NMBR: variants seen among roughly 807,000 people sequenced by gnomAD.
NMBR encodes neuromedin-B receptor.
In NMBR, 16 loss-of-function variants were observed where a neutral mutation model predicts 20.5. That is an observed-to-expected ratio of 0.78 (90% CI 0.53 to 1.19). The LOEUF is 1.19. NMBR is among the 50% of genes most tolerant of loss of function. NMBR has a pLI of 0.00. For missense variants in NMBR, 582 were observed against 499.1 expected, an observed-to-expected ratio of 1.17 and a Z score of -1.58; for synonymous variants, 212 against 196.6, an observed-to-expected ratio of 1.08 and a Z score of -0.65.
intron 1 of NMBR, among the ~76,000 whole-genome samples, chr6:142,144,624 A>G (rs760268648): frequency 1.1e-4 from 17 of 152,188 alleles, no homozygotes; most frequent in Non-Finnish European, 2.2e-4. Context: ...GTAAAATATC[A>G]TAGTAAAACA....
At chr6:142,120,296 C>A (rs922903076) in intron 1 of NMBR, among the ~76,000 whole-genome samples, 1 of 151,894 alleles carries the variant, frequency 6.6e-6, no homozygotes, top group East Asian at 1.9e-4. Flanking sequence ...ATTGAGTGAG[C>A]CCTGAATGCA....
chr6:142,132,577 A>T (rs1392963570), intron 1 of NMBR, among the ~76,000 whole-genome samples: 1 of 152,204 alleles, frequency 6.6e-6, no homozygotes, highest in African/African-American at 2.4e-5. Context: ...TCAATAATGC[A>T]ATAACTATTA....
At chr6:142,094,820 TA>T (rs1407929042) in intron 1 of NMBR, among the ~76,000 whole-genome samples, 1 of 152,192 alleles carries the variant, frequency 6.6e-6, no homozygotes, top group Non-Finnish European at 1.5e-5. Context: ...TATCCTCTTT[TA>T]TTTCATTGAG....
At chr6:142,132,427 T>C (rs1030024988) in intron 1 of NMBR, among the ~76,000 whole-genome samples, 2 of 152,312 alleles carry the variant, frequency 1.3e-5, no homozygotes, top group Middle Eastern at 3.4e-3. Flanking sequence ...ATTGTTCTCA[T>C]GATATGTGCT....
chr6:142,133,605 A>G (rs1169301941), intron 1 of NMBR, among the ~76,000 whole-genome samples: 2 of 152,194 alleles, frequency 1.3e-5, no homozygotes, highest in Non-Finnish European at 2.9e-5. Flanking sequence ...TCAAAGCTGT[A>G]TAAATATTTC....
At chr6:142,119,634 T>C (rs1175674744) in intron 1 of NMBR, among the ~76,000 whole-genome samples, 1 of 152,038 alleles carries the variant, frequency 6.6e-6, no homozygotes, top group Non-Finnish European at 1.5e-5. Flanking sequence ...CTAAATACTT[T>C]ACACAATTTA....
At chr6:142,092,206 A>G (rs1325282033) in intron 1 of NMBR, among the ~76,000 whole-genome samples, 4 of 152,072 alleles carry the variant, frequency 2.6e-5, no homozygotes, top group South Asian at 4.1e-4. Flanking sequence ...TAAAATTAAA[A>G]TGGAACTGGC....
chr6:142,093,365 A>C (rs896592620), intron 1 of NMBR, among the ~76,000 whole-genome samples: 1 of 128,330 alleles, frequency 7.8e-6, no homozygotes, highest in Admixed American at 9.9e-5. Flanking sequence ...ATGTGTTCTC[A>C]TTGTTCAATT....
chr6:142,103,494 T>C (rs967502147), intron 1 of NMBR, among the ~76,000 whole-genome samples: 2 of 152,162 alleles, frequency 1.3e-5, no homozygotes, highest in African/African-American at 2.4e-5. Flanking sequence ...ACCAAAATAA[T>C]ATATTTTTTA....
At chr6:142,143,069 A>G (rs900998545) in intron 1 of NMBR, among the ~76,000 whole-genome samples, 3 of 152,184 alleles carry the variant, frequency 2.0e-5, no homozygotes, top group African/African-American at 7.2e-5. Flanking sequence ...TGGGGGACGG[A>G]ACAAGACTCT....
rs111368288 is a variant in NMBR, at chr6:142,104,393, G to A, written c.-663-15072C>T. Among the ~76,000 whole-genome samples the A allele has an allele frequency of 4.0e-3, 612 of 152,244 alleles. 3 individuals are homozygous for A. Among genetic ancestry groups the A allele is most frequent in the African/African-American group, 0.014 (572 of 41,558 alleles). On this transcript the variant is annotated intron_variant, in intron 1 of 3. Transcript: ENST00000258042. The stretch of plus-strand genomic sequence containing the variant: ...TTTTTTATTTGGCAGTGGTTTCCAC[G>A]TAATTTAACATGTCAAAACATCGGC...
intron 2 of NMBR, among the ~76,000 whole-genome samples, chr6:142,086,999 TC>T (rs1473339865): frequency 6.6e-6 from 1 of 152,210 alleles, no homozygotes; most frequent in Non-Finnish European, 1.5e-5. Flanking sequence ...GCTTTGGAAT[TC>T]AGAGAAAGTA....
intron 1 of NMBR, among the ~76,000 whole-genome samples, chr6:142,093,249 A>C (rs1351046554): frequency 1.3e-5 from 2 of 150,728 alleles, no homozygotes; most frequent in Non-Finnish European, 1.5e-5. Context: ...TGTGCTGCAC[A>C]CATTAACTCA....
In NMBR at chr6:142,116,085, A is replaced by T. The variant is rs373248729; in HGVS notation, c.-663-26764T>A. Among the ~76,000 whole-genome samples the T allele has an allele frequency of 3.1e-4, 47 of 152,008 alleles. No individual in the cohort carries two copies. The South Asian group carries it at 9.5e-3, about 31-fold the overall frequency. On this transcript the variant is annotated intron_variant, in intron 1 of 3. Transcript: ENST00000258042. ...TCTTTTTTTACCTGCCGCCATCCCCATAAGATGTGACTTACTCCTGCTTGT... is the reference window on the plus strand; with the variant it reads ...TCTTTTTTTACCTGCCGCCATCCCCTTAAGATGTGACTTACTCCTGCTTGT...
intron 1 of NMBR, among the ~76,000 whole-genome samples, chr6:142,131,523 G>T (rs1680048862): frequency 6.6e-6 from 1 of 152,084 alleles, no homozygotes; most frequent in Non-Finnish European, 1.5e-5. Flanking sequence ...AAGAAACACA[G>T]GTTGTCACTC....
intron 1 of NMBR, among the ~76,000 whole-genome samples, chr6:142,138,608 A>C (rs948895588): frequency 6.6e-6 from 1 of 152,188 alleles, no homozygotes; most frequent in African/African-American, 2.4e-5. Flanking sequence ...TGGTGTTAAT[A>C]AACAGCAACC....
chr6:142,140,147 C>T (rs1778341140), intron 1 of NMBR, among the ~76,000 whole-genome samples: 1 of 151,634 alleles, frequency 6.6e-6, no homozygotes, highest in Non-Finnish European at 1.5e-5. Context: ...ACTTATTAAA[C>T]AAAGATAAAC....
intron 3 of NMBR, among the ~76,000 whole-genome samples, chr6:142,076,956 G>A (rs1295792076): frequency 1.3e-5 from 2 of 152,166 alleles, no homozygotes; most frequent in African/African-American, 2.4e-5. Context: ...CTGATGGTAG[G>A]TAGCAATAGA....
rs79798561 is a variant in NMBR at position 142,134,781 on chromosome 6, A to C, written c.-664+12263T>G. 2,406 of 692,778 alleles carry C rather than the reference A, an allele frequency of 3.5e-3. 51 individuals carry two copies. The African/African-American group carries it at 0.037, about 11-fold the overall frequency. The allele number at this position is 692,778 out of a possible 1,614,324, so 42.9% of individuals were successfully genotyped here. Reference sequence around the variant, plus strand: ...GATCTCTTGGGGAAAACATGATTATAAGATGCATGGTTCCAGAACACTTTG... The same window carrying C: ...GATCTCTTGGGGAAAACATGATTATCAGATGCATGGTTCCAGAACACTTTG... On this transcript the variant is annotated intron_variant, in intron 1 of 3. Transcript: ENST00000258042.
Sources: allele counts gnomAD v4.1 joint callset (sites outside exome capture counted in the v4.1 genomes callset), GRCh38; gene constraint gnomAD v4.1.1; transcripts MANE v1.5; gene names NCBI Gene and HGNC (gene_info 2026-07-23, HGNC 2026-07-21).